Variants in CSMD1 observed in about 807,000 individuals in gnomAD.
CSMD1 encodes the protein CUB and sushi domain-containing protein 1.
In CSMD1, 213 loss-of-function variants were observed where a neutral mutation model predicts 417.5. The observed-to-expected ratio is 0.51, with a 90% CI of 0.46 to 0.57. The LOEUF is 0.57. Ranked by LOEUF, CSMD1 falls within the 20% of genes least tolerant of loss-of-function variation. The pLI is 0.00. For synonymous variants in CSMD1, 2,862 were observed against 1,736.8 expected (o/e 1.65, Z -16.11); for missense variants, 6,923 against 4,529.7 (o/e 1.53, Z -15.17).
At chr8:4,580,374 G>C (rs1282108281) in intron 2 of CSMD1, among the ~76,000 whole-genome samples, 1 of 152,086 alleles carries the variant, frequency 6.6e-6, no homozygotes, top group Non-Finnish European at 1.5e-5. Flanking sequence ...TCGCAGTGTT[G>C]ACCATCTTCC....
chr8:3,831,318 G>C (rs1802365592), intron 5 of CSMD1, among the ~76,000 whole-genome samples: 1 of 152,116 alleles, frequency 6.6e-6, no homozygotes, highest in South Asian at 2.1e-4. Context: ...TTGCATTTCG[G>C]ACAGCTCCAT....
Position 4,254,443 on chromosome 8 carries a change from A to G in CSMD1, c.415+165510T>C, listed in dbSNP as rs1391709213. Among the ~76,000 whole-genome samples the G allele has an allele frequency of 2.6e-5, 4 of 152,282 alleles. No homozygotes were observed. The East Asian group carries it at 5.8e-4, about 22-fold the overall frequency. On this transcript the variant is annotated intron_variant, in intron 3 of 69. Coordinates refer to ENST00000635120, the MANE Select transcript of CSMD1 (RefSeq NM_033225.6). ...CCCTTAGATTATAGTGGAGCTGAAC[A>G]ATGATCACTAAGCGACATTGCAGCT...
chr8:3,464,973 T>C (rs565833573), intron 12 of CSMD1, among the ~76,000 whole-genome samples: 1 of 152,272 alleles, frequency 6.6e-6, no homozygotes, highest in South Asian at 2.1e-4. Flanking sequence ...ACACTCTCTC[T>C]CTCTCGTTCT....
intron 31 of CSMD1, among the ~76,000 whole-genome samples, chr8:3,203,895 G>A (rs1024821605): frequency 3.3e-5 from 5 of 152,164 alleles, no homozygotes; most frequent in African/African-American, 1.2e-4. Flanking sequence ...TACCTGGTAA[G>A]GATCACATCA....
At chr8:3,111,729 G>A (rs564542815) in intron 42 of CSMD1, among the ~76,000 whole-genome samples, 1 of 152,092 alleles carries the variant, frequency 6.6e-6, no homozygotes, top group Non-Finnish European at 1.5e-5. Context: ...GTACTTGGGG[G>A]GTTGAGGCAG....
intron 1 of CSMD1, among the ~76,000 whole-genome samples, chr8:4,836,617 T>G (rs1018235034): frequency 6.6e-6 from 1 of 152,246 alleles, no homozygotes; most frequent in African/African-American, 2.4e-5. Flanking sequence ...TATACTCTGC[T>G]TTTGTTCTTA....
chr8:4,537,029 C>T (rs1457644571), intron 2 of CSMD1, among the ~76,000 whole-genome samples: 9 of 152,150 alleles, frequency 5.9e-5, no homozygotes, highest in African/African-American at 1.9e-4. Flanking sequence ...TTATATTAAA[C>T]ATCAATAGTG....
intron 1 of CSMD1, among the ~76,000 whole-genome samples, chr8:4,830,173 T>G (rs1034857747): frequency 3.9e-5 from 6 of 152,226 alleles, no homozygotes; most frequent in Non-Finnish European, 5.9e-5. Flanking sequence ...AGAAGAGTCT[T>G]GTTTACAGCA....
intron 50 of CSMD1, among the ~76,000 whole-genome samples, chr8:3,048,631 T>C (rs1162042404): frequency 6.6e-6 from 1 of 152,164 alleles, no homozygotes; most frequent in Non-Finnish European, 1.5e-5. Flanking sequence ...TATAAACTCC[T>C]AGAAGATAAC....
At chr8:3,957,387 T>C (rs915914687) in intron 5 of CSMD1, among the ~76,000 whole-genome samples, 22 of 152,110 alleles carry the variant, frequency 1.4e-4, no homozygotes, top group Non-Finnish European at 1.9e-4. Context: ...AGCATAAAAA[T>C]ATATGTCAGT....
intron 5 of CSMD1, among the ~76,000 whole-genome samples, chr8:3,823,895 G>C (rs1415763451): frequency 1.3e-5 from 2 of 151,976 alleles, no homozygotes; most frequent in Non-Finnish European, 2.9e-5. Context: ...TCATTGTAAC[G>C]ATTAAATATT....
At chr8:3,607,805 G>A (rs893550664) in intron 8 of CSMD1, among the ~76,000 whole-genome samples, 3 of 152,212 alleles carry the variant, frequency 2.0e-5, no homozygotes, top group African/African-American at 4.8e-5. Context: ...AGACTCAAAT[G>A]AGAAGAATCA....
At chr8:3,358,069 T>G (rs1194523900) in intron 21 of CSMD1, among the ~76,000 whole-genome samples, 1 of 152,204 alleles carries the variant, frequency 6.6e-6, no homozygotes, top group Non-Finnish European at 1.5e-5. Flanking sequence ...AAAGAGATTC[T>G]GCACCATGGT....
intron 2 of CSMD1, among the ~76,000 whole-genome samples, chr8:4,575,978 C>G (rs1418196788): frequency 6.6e-6 from 1 of 152,206 alleles, no homozygotes; most frequent in Non-Finnish European, 1.5e-5. Context: ...CCTCCACCAC[C>G]ACAGCCTCAG....
chr8:4,454,622 A>G (rs1585104254), intron 2 of CSMD1, among the ~76,000 whole-genome samples: 1 of 152,198 alleles, frequency 6.6e-6, no homozygotes, highest in Non-Finnish European at 1.5e-5. Flanking sequence ...AGCAGAAGGA[A>G]GCTGATAAAG....
chr8:4,968,730 G>A (rs79927872), intron 1 of CSMD1, among the ~76,000 whole-genome samples: 4,750 of 151,998 alleles, frequency 0.031, 94 homozygotes, highest in Middle Eastern at 0.13. Flanking sequence ...AACGTTTGCT[G>A]GTTTAGTTAA....
intron 3 of CSMD1, among the ~76,000 whole-genome samples, chr8:4,326,998 G>C (rs557593854): frequency 2.2e-4 from 33 of 152,248 alleles, no homozygotes; most frequent in African/African-American, 7.5e-4. Context: ...GAAGGAAAAC[G>C]AAAGAATTGG....
chr8:4,854,854 C>T lies in CSMD1; in HGVS notation c.85+139478G>A, dbSNP rs1332027682. 3.9e-5 allele frequency among the ~76,000 whole-genome samples: 6 copies of T among 152,194 alleles called. No homozygotes were observed. The East Asian group carries it at 5.8e-4, about 15-fold the overall frequency. ...GCTGGGGGAGGGGCGCCCGCCATTGCCCAGGCTTGCTTAGGTAAACAAAGC... is the reference window on the plus strand; with the variant it reads ...GCTGGGGGAGGGGCGCCCGCCATTGTCCAGGCTTGCTTAGGTAAACAAAGC... On this transcript the variant is annotated intron_variant, in intron 1 of 69. Coordinates refer to ENST00000635120, the MANE Select transcript of CSMD1 (RefSeq NM_033225.6).
chr8:3,761,915 C>A lies in CSMD1; in HGVS notation c.819-7873G>T, dbSNP rs927587449. 2.6e-5 allele frequency among the ~76,000 whole-genome samples: 4 copies of A among 152,208 alleles called. No homozygotes were observed. The East Asian group carries it at 7.7e-4, about 29-fold the overall frequency. ...CAATGATTTTTCTCCCTCTGGCTCTCTTTTTTCTGGGAGCACTCTCTGAGG... is the reference window on the plus strand; with the variant it reads ...CAATGATTTTTCTCCCTCTGGCTCTATTTTTTCTGGGAGCACTCTCTGAGG... On this transcript the variant is annotated intron_variant, in intron 5 of 69. Coordinates refer to ENST00000635120, the MANE Select transcript of CSMD1 (RefSeq NM_033225.6).
Sources: gnomAD v4.1 joint callset for allele counts (sites outside exome capture counted in the v4.1 genomes callset) on GRCh38, gnomAD v4.1.1 for gene constraint, MANE v1.5 for transcripts, NCBI Gene and HGNC (gene_info 2026-07-23, HGNC 2026-07-21) for gene names.